Variants in ENOX1 observed in about 807,000 individuals in gnomAD.
ENOX1 encodes the protein candidate growth-related and time keeping constitutive hydroquinone (NADH) oxidase.
In ENOX1, 42 loss-of-function variants were observed where a neutral mutation model predicts 82.5. That is an observed-to-expected ratio of 0.51 (90% CI 0.40 to 0.66). ENOX1 has a LOEUF of 0.66. ENOX1 is among the 30% of genes least tolerant of loss of function. The pLI is 0.00. For missense variants in ENOX1, 608 were observed against 811.6 expected, an observed-to-expected ratio of 0.75 and a Z score of 3.05; for synonymous variants, 271 against 282.2, an observed-to-expected ratio of 0.96 and a Z score of 0.40.
intron 2 of ENOX1, among the ~76,000 whole-genome samples, chr13:43,603,509 G>GTA (rs973068423): frequency 1.1e-4 from 16 of 150,812 alleles, no homozygotes; most frequent in Admixed American, 9.2e-4. Flanking sequence ...TCAGCATTAG[G>GTA]TATATCTCCT....
At chr13:43,314,593 C>A (rs11617837) in intron 11 of ENOX1, among the ~76,000 whole-genome samples, 13,250 of 152,248 alleles carry the variant, frequency 0.087, 679 homozygotes, top group Middle Eastern at 0.14. Flanking sequence ...TGATGTTCAT[C>A]AACAGCACAT....
chr13:43,783,719 T>C (rs1952409462), intron 1 of ENOX1, among the ~76,000 whole-genome samples: 1 of 152,104 alleles, frequency 6.6e-6, no homozygotes, highest in South Asian at 2.1e-4. Context: ...ATGAGAAGGG[T>C]CTAAACAATC....
chr13:43,679,051 G>A (rs1160044085), intron 1 of ENOX1, among the ~76,000 whole-genome samples: 1 of 152,040 alleles, frequency 6.6e-6, no homozygotes, highest in African/African-American at 2.4e-5. Context: ...CACTCTTTTA[G>A]GCACTAATAC....
intron 2 of ENOX1, among the ~76,000 whole-genome samples, chr13:43,614,833 A>T (rs1009381671): frequency 5.9e-5 from 9 of 152,166 alleles, no homozygotes; most frequent in Non-Finnish European, 1.2e-4. Context: ...CTTGCTACAT[A>T]CAAAATGTGG....
rs561714101 is a variant in ENOX1, at chr13:43,425,826, C to T, written c.-74-12838G>A. ...CATGAAAGTCATTATAGTTGAAAAC[C>T]ATTTGTAACTGGGCTATCTCACTTT... is the stretch of plus-strand genomic sequence containing the variant. On this transcript the variant is annotated intron_variant, in intron 3 of 16. Transcript: ENST00000690772. Among the ~76,000 whole-genome samples the T allele has an allele frequency of 2.6e-4, 39 of 152,214 alleles. No individual in the cohort carries two copies. The South Asian group carries it at 8.1e-3, about 32-fold the overall frequency.
chr13:43,295,693 A>G (rs2046248071), intron 12 of ENOX1, among the ~76,000 whole-genome samples: 1 of 152,230 alleles, frequency 6.6e-6, no homozygotes, highest in South Asian at 2.1e-4. Flanking sequence ...TGAAACCATG[A>G]TTTTCTGATT....
chr13:43,445,290 A>AT (rs1312894776), intron 3 of ENOX1, among the ~76,000 whole-genome samples: 2 of 151,466 alleles, frequency 1.3e-5, no homozygotes, highest in East Asian at 2.0e-4. Flanking sequence ...CGCCTGGCTA[A>AT]TTTTTTGTAT....
At chr13:43,692,753 G>T (rs761076437) in intron 1 of ENOX1, among the ~76,000 whole-genome samples, 4 of 152,142 alleles carry the variant, frequency 2.6e-5, no homozygotes, top group Non-Finnish European at 4.4e-5. Flanking sequence ...GAATAACAAA[G>T]ATTTTAAAAA....
rs1157272968 is a variant in ENOX1 at position 43,616,126 on chromosome 13, ATATCTATCTATC to A, written c.-219+51341_-219+51352del. ...TAGATAGATATCTATAGATCTATAG[ATATCTATCTATC>A]TAGATATCTATATAGATAGATATCT... On this transcript the variant is annotated intron_variant, in intron 2 of 16. Coordinates refer to ENST00000690772, the MANE Select transcript of ENOX1 (RefSeq NM_001347969.2). Among the ~76,000 whole-genome samples, 27 of 65,848 alleles carry A rather than the reference ATATCTATCTATC, an allele frequency of 4.1e-4. 4 individuals are homozygous for A. The highest frequency in any genetic ancestry group is 1.3e-3 in the African/African-American group (23 of 17,400). The allele number at this position is 65,848 out of a possible 152,430, so 43.2% of individuals were successfully genotyped here.
Position 43,259,935 on chromosome 13 carries a change from A to T in ENOX1, c.1611+5463T>A, listed in dbSNP as rs550537007. On this transcript the variant is annotated intron_variant, in intron 14 of 16. Transcript: ENST00000690772. ...AAGAATCCAGCCTGAGTTGTTTTTTACCTTTAGAAGATACGGTCCCATTCT... is the reference window on the plus strand; with the variant it reads ...AAGAATCCAGCCTGAGTTGTTTTTTTCCTTTAGAAGATACGGTCCCATTCT... 3.6e-4 allele frequency among the ~76,000 whole-genome samples: 55 copies of T among 152,102 alleles called. No individual in the cohort carries two copies. In the Middle Eastern group the frequency reaches 0.01, roughly 28 times the overall value.
chr13:43,778,427 C>T (rs953170298), intron 1 of ENOX1, among the ~76,000 whole-genome samples: 1 of 152,144 alleles, frequency 6.6e-6, no homozygotes, highest in African/African-American at 2.4e-5. Flanking sequence ...CAACCCCACC[C>T]CCAGCTACCA....
At chr13:43,367,045 A>G (rs2050895376) in intron 5 of ENOX1, among the ~76,000 whole-genome samples, 1 of 152,216 alleles carries the variant, frequency 6.6e-6, no homozygotes, top group East Asian at 1.9e-4. Context: ...TTTGACAAAC[A>G]TATGAGTGCC....
chr13:43,398,843 T>A (rs2053316860), intron 5 of ENOX1, among the ~76,000 whole-genome samples: 1 of 150,924 alleles, frequency 6.6e-6, no homozygotes, highest in Admixed American at 6.6e-5. Context: ...TCACCCAGGC[T>A]GGAGTACACT....
At chr13:43,549,446 T>C (rs1354218167) in intron 2 of ENOX1, among the ~76,000 whole-genome samples, 1 of 152,224 alleles carries the variant, frequency 6.6e-6, no homozygotes, top group African/African-American at 2.4e-5. Context: ...AGTCCCTCTA[T>C]TCAACAAAAA....
At position 43,699,934 on chromosome 13, in the gene ENOX1, T is replaced by C. The variant is rs139492542; in HGVS notation, c.-284-32390A>G. On this transcript the variant is annotated intron_variant, in intron 1 of 16. Transcript: ENST00000690772. ...ACTGAGATATCCATCACCTCAAACA[T>C]TTATCTTTGCTTTATGTTGGCAACA... Among the ~76,000 whole-genome samples the C allele has an allele frequency of 4.8e-4, 73 of 152,322 alleles. No homozygotes were observed. In the East Asian group the frequency reaches 0.011, roughly 24 times the overall value.
At chr13:43,352,275 A>T (rs1189879996) in intron 8 of ENOX1, among the ~76,000 whole-genome samples, 6 of 152,260 alleles carry the variant, frequency 3.9e-5, no homozygotes, top group Admixed American at 3.9e-4. Context: ...CACCTAATTC[A>T]GAGAGAAACT....
At chr13:43,618,977 ATTTTTT>A (rs56048836) in intron 2 of ENOX1, among the ~76,000 whole-genome samples, 2 of 116,948 alleles carry the variant, frequency 1.7e-5, no homozygotes, top group Admixed American at 8.7e-5. Context: ...ATAGTCCTAA[ATTTTTT>A]TTTTTTTTTT....
In ENOX1 at chr13:43,369,404, G is replaced by A. The variant is rs138779047; in HGVS notation, c.209-7952C>T. The stretch of plus-strand genomic sequence containing the variant: ...ATCTTTCTTAGTTCTGAACTTGTAT[G>A]TATAAATTTTAGTAAGTTGTTACGT... On this transcript the variant is annotated intron_variant, in intron 5 of 16. Coordinates refer to ENST00000690772, the MANE Select transcript of ENOX1 (RefSeq NM_001347969.2). Among the ~76,000 whole-genome samples, 18 of 152,288 alleles carry A rather than the reference G, an allele frequency of 1.2e-4. No individual in the cohort carries two copies. In the East Asian group the frequency reaches 3.5e-3, roughly 29 times the overall value.
chr13:43,237,395 C>A (rs2042601145), intron 14 of ENOX1, among the ~76,000 whole-genome samples: 1 of 152,158 alleles, frequency 6.6e-6, no homozygotes, highest in Non-Finnish European at 1.5e-5. Flanking sequence ...TAACTCATAT[C>A]ATCCTAGACT....
Sources: gnomAD v4.1 joint callset for allele counts (sites outside exome capture counted in the v4.1 genomes callset) on GRCh38, gnomAD v4.1.1 for gene constraint, MANE v1.5 for transcripts, NCBI Gene and HGNC (gene_info 2026-07-23, HGNC 2026-07-21) for gene names.